The following MAGI2 variants were observed in gnomAD, a reference collection of about 807,000 sequenced individuals.
The protein encoded by MAGI2 is membrane associated guanylate kinase, WW and PDZ domain containing 2.
Under a neutral mutation model 133.3 loss-of-function variants are expected in MAGI2, and 35 were observed. That is an observed-to-expected ratio of 0.26 (90% CI 0.20 to 0.35). MAGI2 has a LOEUF of 0.35. Ranked by LOEUF, MAGI2 falls within the 10% of genes least tolerant of loss-of-function variation. The pLI is 1.00. For synonymous variants in MAGI2, 729 were observed against 710.6 expected (o/e 1.03, Z -0.41); for missense variants, 1,636 against 1,863.4 (o/e 0.88, Z 2.25).
In MAGI2 at chr7:78,893,268, T is replaced by C. The variant is rs547212145; in HGVS notation, c.418+113822A>G. Among the ~76,000 whole-genome samples, 1,201 of 152,292 alleles carry C rather than the reference T, an allele frequency of 7.9e-3. 9 individuals carry two copies. The highest frequency in any genetic ancestry group is 0.024 in the Middle Eastern group (7 of 294). ...AGGATGTGGAGAAACAGGAACACTT[T>C]TACACTGTTGGTGGGACTGTAAACT... On this transcript the variant is annotated intron_variant, in intron 2 of 21. Coordinates refer to ENST00000354212, the MANE Select transcript of MAGI2 (RefSeq NM_012301.4).
Position 78,345,954 on chromosome 7 carries a change from C to T in MAGI2, c.1193G>A (p.Gly398Glu). ...ACCTGGGGCCTGCAGGGGCTTTGTT[C>T]CAAGTTCTGTGTGGGGCATGTTATG... is the stretch of plus-strand genomic sequence containing the variant. ...QQHNMPHTEL[G>E]TKPLQAPGFR... The change falls in exon 8 of 22, where the codon GGA becomes GAA. Residue 398 changes from glycine to glutamate, a missense_variant. Physicochemically the swap from Gly to Glu is moderately conservative, Grantham distance 98. Around this residue, in one of 5 missense-constraint regions of MAGI2, gnomAD observed 920 missense variants for 1,093.5 expected, o/e 0.84. Coordinates refer to ENST00000354212, the MANE Select transcript of MAGI2 (RefSeq NM_012301.4). 1.2e-6 allele frequency: 2 copies of T among 1,614,152 alleles called. No individual in the cohort carries two copies. The highest frequency in any genetic ancestry group is 1.7e-6 in the Non-Finnish European group (2 of 1,180,036).
chr7:78,340,059 T>C (rs1019757913), intron 9 of MAGI2, among the ~76,000 whole-genome samples: 1 of 152,120 alleles, frequency 6.6e-6, no homozygotes, highest in African/African-American at 2.4e-5. Flanking sequence ...TTAAAACCCA[T>C]GGAAGAACAA....
chr7:79,306,983 TC>T (rs1327354531), intron 1 of MAGI2, among the ~76,000 whole-genome samples: 1 of 152,126 alleles, frequency 6.6e-6, no homozygotes, highest in African/African-American at 2.4e-5. Flanking sequence ...CCGGCTAATT[TC>T]TTTTTCTTTT....
intron 21 of MAGI2, among the ~76,000 whole-genome samples, chr7:78,028,848 C>CAAAA (rs56201811): frequency 5.2e-4 from 44 of 84,334 alleles, no homozygotes; most frequent in Non-Finnish European, 7.3e-4. Flanking sequence ...GACTCCATCT[C>CAAAA]AAAAAAAAAA....
At chr7:79,309,557 T>C (rs1476194227) in intron 1 of MAGI2, among the ~76,000 whole-genome samples, 3 of 151,938 alleles carry the variant, frequency 2.0e-5, no homozygotes, top group Non-Finnish European at 4.4e-5. Context: ...GTGAGAACAC[T>C]GAAGGAGAAC....
At chr7:79,400,201 C>A (rs1845369838) in intron 1 of MAGI2, among the ~76,000 whole-genome samples, 1 of 152,034 alleles carries the variant, frequency 6.6e-6, no homozygotes, top group Admixed American at 6.6e-5. Flanking sequence ...AACTACAGAA[C>A]AACTATGTTA....
chr7:78,736,100 C>T (rs2151238732), intron 2 of MAGI2, among the ~76,000 whole-genome samples: 1 of 152,266 alleles, frequency 6.6e-6, no homozygotes, highest in South Asian at 2.1e-4. Flanking sequence ...GATAAGATCA[C>T]ATATTGATAA....
At chr7:79,185,740 G>T (rs1827027670) in intron 1 of MAGI2, among the ~76,000 whole-genome samples, 1 of 151,674 alleles carries the variant, frequency 6.6e-6, no homozygotes, top group Non-Finnish European at 1.5e-5. Context: ...TCAAGGACAG[G>T]CATTTCAAAG....
At chr7:79,101,723 C>CAAAAA (rs376256842) in intron 1 of MAGI2, among the ~76,000 whole-genome samples, 1 of 112,766 alleles carries the variant, frequency 8.9e-6, no homozygotes, top group Non-Finnish European at 1.7e-5. Context: ...GACTCTGTCA[C>CAAAAA]AAAAAAAAAA....
At chr7:78,887,955 G>A (rs1796402517) in intron 2 of MAGI2, among the ~76,000 whole-genome samples, 1 of 152,220 alleles carries the variant, frequency 6.6e-6, no homozygotes, top group Non-Finnish European at 1.5e-5. Flanking sequence ...GCAAGTGCAA[G>A]GGGTCAGGGA....
At chr7:79,207,506 G>A (rs1400022075) in intron 1 of MAGI2, among the ~76,000 whole-genome samples, 1 of 144,512 alleles carries the variant, frequency 6.9e-6, no homozygotes, top group Non-Finnish European at 1.5e-5. Flanking sequence ...ATTTAACCAA[G>A]GAGATGAAAG....
chr7:78,639,710 G>A (rs533324278), intron 2 of MAGI2, among the ~76,000 whole-genome samples: 28 of 152,086 alleles, frequency 1.8e-4, no homozygotes, highest in African/African-American at 2.4e-4. Context: ...CAAAACCCAC[G>A]TCTGTGAGCA....
intron 21 of MAGI2, among the ~76,000 whole-genome samples, chr7:78,022,341 CT>C (rs1017465994): frequency 1.4e-3 from 215 of 152,326 alleles, no homozygotes; most frequent in African/African-American, 5.0e-3. Flanking sequence ...TTTAATAGCT[CT>C]TTTCCCCATC....
chr7:78,444,168 T>C (rs1250015399), intron 6 of MAGI2, among the ~76,000 whole-genome samples: 1 of 152,122 alleles, frequency 6.6e-6, no homozygotes, highest in Non-Finnish European at 1.5e-5. Context: ...TAAACTGGGA[T>C]AATGTACAAA....
At chr7:78,975,228 T>C (rs1446308244) in intron 2 of MAGI2, among the ~76,000 whole-genome samples, 3 of 151,744 alleles carry the variant, frequency 2.0e-5, no homozygotes, top group Non-Finnish European at 4.4e-5. Context: ...GCAAGCGATA[T>C]GTTCTTCTCA....
intron 2 of MAGI2, among the ~76,000 whole-genome samples, chr7:78,689,381 G>A (rs1816710266): frequency 6.6e-6 from 1 of 151,970 alleles, no homozygotes; most frequent in Admixed American, 6.6e-5. Flanking sequence ...TATTCTATAA[G>A]CTGATATTAT....
chr7:78,046,945 T>C (rs373000573), intron 21 of MAGI2, among the ~76,000 whole-genome samples: 14 of 152,344 alleles, frequency 9.2e-5, no homozygotes, highest in African/African-American at 2.9e-4. Context: ...ACATGTTGGT[T>C]TATAACATTA....
intron 2 of MAGI2, among the ~76,000 whole-genome samples, chr7:78,728,817 G>A (rs1348265960): frequency 2.0e-5 from 3 of 150,004 alleles, no homozygotes; most frequent in Non-Finnish European, 1.5e-5. Context: ...CGCCCGCCTC[G>A]GCCTCCCAAA....
intron 10 of MAGI2, among the ~76,000 whole-genome samples, chr7:78,212,607 C>T (rs1252109579): frequency 1.3e-5 from 2 of 152,194 alleles, no homozygotes; most frequent in Non-Finnish European, 2.9e-5. Flanking sequence ...ACCTACAGTA[C>T]TATAAGGTCA....
Sources: gnomAD v4.1 joint callset for allele counts (sites outside exome capture counted in the v4.1 genomes callset) on GRCh38, gnomAD v4.1.1 for gene constraint, gnomAD v4.1.1 regional missense constraint, MANE v1.5 for transcripts, NCBI Gene and HGNC (gene_info 2026-07-23, HGNC 2026-07-21) for gene names.